The following CCNY variants were observed in gnomAD, a reference collection of about 807,000 sequenced individuals.
CCNY encodes the protein cyclin-Y.
A neutral mutation model predicts 42.8 loss-of-function variants in CCNY; 19 were observed. The observed-to-expected ratio is 0.44, with a 90% CI of 0.31 to 0.65. The LOEUF (loss-of-function observed/expected upper bound fraction) is 0.65, where lower values mean the gene tolerates loss of function less well. CCNY is among the 30% of genes least tolerant of loss of function. The probability of loss-of-function intolerance (pLI) is 0.07; values close to 1 mark genes in which losing one functional copy is unlikely to be tolerated. For missense variants in CCNY, 370 were observed against 437.3 expected, an observed-to-expected ratio of 0.85 and a Z score of 1.37; for synonymous variants, 165 against 162.7, an observed-to-expected ratio of 1.01 and a Z score of -0.11.
At chr10:35,269,269 ACTTCCTTCCTTCCTTCCTTC>A (rs68028146) in intron 3 of CCNY, among the ~76,000 whole-genome samples, 83 of 149,554 alleles carry the variant, frequency 5.5e-4, no homozygotes, top group African/African-American at 1.7e-3. Flanking sequence ...CAAATAATCT[ACTTCCTTCCTTCCTTCCTTC>A]CTTCCTTCCT....
rs1185427899 is a variant in CCNY, at chr10:35,354,563, A to AGG, written c.154+17359_154+17360dup. Among the ~76,000 whole-genome samples the AGG allele has an allele frequency of 2.6e-5, 4 of 152,188 alleles. No homozygotes were observed. The South Asian group carries it at 6.2e-4, about 24-fold the overall frequency. On this transcript the variant is annotated intron_variant, in intron 1 of 9. Coordinates refer to ENST00000374704, the MANE Select transcript of CCNY (RefSeq NM_145012.6). ...TTGATAGAATCAAGTCATTAAGTTGAGGGGACAGTATTATATTAATACAAG... is the reference window on the plus strand; with the variant it reads ...TTGATAGAATCAAGTCATTAAGTTGAGGGGGGACAGTATTATATTAATACAAG...
At chr10:35,508,363 T>C (rs1449112357) in intron 3 of CCNY, among the ~76,000 whole-genome samples, 1 of 152,256 alleles carries the variant, frequency 6.6e-6, no homozygotes, top group East Asian at 1.9e-4. Flanking sequence ...GGCAGTCTTT[T>C]GATACTGGTT....
chr10:35,351,828 C>G (rs1053784150), intron 1 of CCNY, among the ~76,000 whole-genome samples: 1 of 152,060 alleles, frequency 6.6e-6, no homozygotes, highest in African/African-American at 2.4e-5. Flanking sequence ...TATAATAAGC[C>G]TGAAATCACA....
At chr10:35,314,287 T>C (rs113025484) in intron 3 of CCNY, among the ~76,000 whole-genome samples, 12,083 of 152,152 alleles carry the variant, frequency 0.079, 872 homozygotes, top group African/African-American at 0.19. Flanking sequence ...GCTGGGAGGC[T>C]TCACAATCAT....
intron 7 of CCNY, among the ~76,000 whole-genome samples, chr10:35,549,655 G>A (rs1216364245): frequency 1.5e-5 from 2 of 134,030 alleles, no homozygotes; most frequent in African/African-American, 2.9e-5. Flanking sequence ...GCTGCTCATG[G>A]CCCATGACCC....
intron 9 of CCNY, 103 bp from the exon 10 acceptor site, chr10:35,568,951 G>GT: frequency 1.3e-6 from 1 of 745,836 alleles, no homozygotes; most frequent in Non-Finnish European, 2.4e-6. Flanking sequence ...CAGGGGCAGG[G>GT]GCTCTGCCTG....
chr10:35,279,661 C>T (rs763365317), intron 3 of CCNY, among the ~76,000 whole-genome samples: 2 of 152,308 alleles, frequency 1.3e-5, no homozygotes, highest in Middle Eastern at 3.4e-3. Flanking sequence ...AATGGAGGCA[C>T]CTGGACTAGG....
chr10:35,339,202 C>A (rs1315462731), intron 1 of CCNY, among the ~76,000 whole-genome samples: 3 of 152,174 alleles, frequency 2.0e-5, no homozygotes, highest in Admixed American at 2.0e-4. Flanking sequence ...ATTGACCCAG[C>A]CAGCAGTTCT....
At chr10:35,441,775 T>A (rs895747246) in intron 1 of CCNY, among the ~76,000 whole-genome samples, 1 of 152,154 alleles carries the variant, frequency 6.6e-6, no homozygotes, top group South Asian at 2.1e-4. Flanking sequence ...CAGTAGGTTA[T>A]TAGCATAAAC....
chr10:35,441,551 C>T (rs967681414), intron 1 of CCNY, among the ~76,000 whole-genome samples: 3 of 152,132 alleles, frequency 2.0e-5, no homozygotes, highest in Non-Finnish European at 4.4e-5. Context: ...CGAGACTGGC[C>T]TGGGCAACAT....
intron 3 of CCNY, among the ~76,000 whole-genome samples, chr10:35,504,016 G>A (rs1840165233): frequency 6.6e-6 from 1 of 152,216 alleles, no homozygotes; most frequent in Admixed American, 6.5e-5. Flanking sequence ...GAACTCTGGA[G>A]TGATAGTTAT....
chr10:35,261,077 C>T (rs2095719175), intron 3 of CCNY, among the ~76,000 whole-genome samples: 1 of 152,016 alleles, frequency 6.6e-6, no homozygotes, highest in South Asian at 2.1e-4. Context: ...TGCTACTGCA[C>T]TCCGCCTAGG....
In CCNY at chr10:35,249,473, G is replaced by A. The variant is rs575695564; in HGVS notation, c.-113-1049G>A. Among the ~76,000 whole-genome samples, 4 of 152,270 alleles carry A rather than the reference G, an allele frequency of 2.6e-5. No individual in the cohort carries two copies. In the South Asian group the frequency reaches 8.3e-4, roughly 32 times the overall value. On this transcript the variant is annotated intron_variant, in intron 2 of 11. Transcript: ENST00000374706. ...TTAAAAAAATAACTAGAATGATAGAGAATGAGTCTTGGTCACATTTTATTT... is the reference window on the plus strand; with the variant it reads ...TTAAAAAAATAACTAGAATGATAGAAAATGAGTCTTGGTCACATTTTATTT...
At chr10:35,403,544 T>G (rs1837691499) in intron 1 of CCNY, among the ~76,000 whole-genome samples, 1 of 152,152 alleles carries the variant, frequency 6.6e-6, no homozygotes, top group Non-Finnish European at 1.5e-5. Context: ...GTCCTTGCAG[T>G]GTATGACTCC....
intron 1 of CCNY, among the ~76,000 whole-genome samples, chr10:35,450,750 A>G (rs1472357341): frequency 6.6e-6 from 1 of 151,450 alleles, no homozygotes; most frequent in African/African-American, 2.4e-5. Flanking sequence ...TCTTAATAAG[A>G]AATGCCTATT....
At chr10:35,553,288 G>A in intron 8 of CCNY, 103 bp downstream of exon 8, 1 of 1,107,036 alleles carries the variant, frequency 9.0e-7, no homozygotes, top group Non-Finnish European at 1.3e-6. Flanking sequence ...CAGAATGCAT[G>A]CATTTGACTG....
intron 1 of CCNY, among the ~76,000 whole-genome samples, chr10:35,359,048 G>A (rs949959458): frequency 1.3e-5 from 2 of 152,220 alleles, no homozygotes; most frequent in Non-Finnish European, 2.9e-5. Flanking sequence ...AAGCATCTGT[G>A]CTTCAGGCCT....
At chr10:35,421,364 C>T (rs943723034) in intron 1 of CCNY, among the ~76,000 whole-genome samples, 3 of 152,166 alleles carry the variant, frequency 2.0e-5, no homozygotes, top group Admixed American at 6.5e-5. Context: ...CTCTCTCTAA[C>T]TATGTGGATC....
intron 4 of CCNY, among the ~76,000 whole-genome samples, chr10:35,522,359 A>G (rs1840566049): frequency 6.6e-6 from 1 of 152,192 alleles, no homozygotes; most frequent in Admixed American, 6.5e-5. Context: ...CGAGATGAGC[A>G]CGCCTCCTGT....
Sources: gnomAD v4.1 joint callset for allele counts (sites outside exome capture counted in the v4.1 genomes callset) on GRCh38, gnomAD v4.1.1 for gene constraint, MANE v1.5 for transcripts, NCBI Gene and HGNC (gene_info 2026-07-23, HGNC 2026-07-21) for gene names.